SGCZ: variants seen among roughly 807,000 people sequenced by gnomAD.
SGCZ encodes sarcoglycan zeta.
SGCZ carries 40 observed loss-of-function variants against 41.3 expected under a neutral mutation model. The ratio of observed to expected loss-of-function variants is 0.97; its 90% confidence interval spans 0.75 to 1.26. SGCZ has a LOEUF of 1.26. Among genes scored for constraint, SGCZ ranks in the 50% most tolerant of loss-of-function variants. SGCZ has a pLI of 0.00. For synonymous variants in SGCZ, 206 were observed against 137.5 expected (o/e 1.50, Z -3.49); for missense variants, 552 against 369.8 (o/e 1.49, Z -4.04).
At chr8:14,854,934 A>G (rs1803489421) in intron 1 of SGCZ, among the ~76,000 whole-genome samples, 1 of 151,524 alleles carries the variant, frequency 6.6e-6, no homozygotes, top group African/African-American at 2.4e-5. Context: ...ACAATCATGC[A>G]GAGGTCCATG....
At chr8:14,923,520 G>A (rs1002824969) in intron 1 of SGCZ, among the ~76,000 whole-genome samples, 10 of 152,050 alleles carry the variant, frequency 6.6e-5, no homozygotes, top group East Asian at 1.9e-4. Flanking sequence ...CGAAATGTAC[G>A]AAACTCCCAG....
intron 3 of SGCZ, among the ~76,000 whole-genome samples, chr8:14,242,756 C>G (rs1253755196): frequency 6.6e-6 from 1 of 152,030 alleles, no homozygotes; most frequent in East Asian, 1.9e-4. Context: ...AAAAAGGTAA[C>G]AAGCCATGTT....
At chr8:14,780,209 C>T (rs921423379) in intron 1 of SGCZ, among the ~76,000 whole-genome samples, 2 of 151,832 alleles carry the variant, frequency 1.3e-5, no homozygotes, top group Non-Finnish European at 2.9e-5. Context: ...CCCGTCCCTA[C>T]TAAAAATACA....
chr8:14,510,070 G>T (rs1391177148), intron 2 of SGCZ, among the ~76,000 whole-genome samples: 1 of 151,996 alleles, frequency 6.6e-6, no homozygotes, highest in African/African-American at 2.4e-5. Flanking sequence ...GCCCCTCCCA[G>T]TAAAATAATT....
At chr8:14,656,562 T>A (rs986689832) in intron 1 of SGCZ, among the ~76,000 whole-genome samples, 2 of 150,402 alleles carry the variant, frequency 1.3e-5, no homozygotes, top group African/African-American at 4.9e-5. Flanking sequence ...TTTTTCTTTC[T>A]TTTCCTTCCC....
intron 2 of SGCZ, among the ~76,000 whole-genome samples, chr8:14,384,626 C>T (rs1332419731): frequency 6.6e-6 from 1 of 152,218 alleles, no homozygotes; most frequent in East Asian, 1.9e-4. Flanking sequence ...ATGGCACCAT[C>T]TCAGCTCACT....
intron 1 of SGCZ, among the ~76,000 whole-genome samples, chr8:15,061,330 C>A (rs926388892): frequency 6.6e-6 from 1 of 151,886 alleles, no homozygotes; most frequent in Non-Finnish European, 1.5e-5. Flanking sequence ...GGGAGTAGAA[C>A]AATGAGAACA....
intron 3 of SGCZ, among the ~76,000 whole-genome samples, chr8:14,266,789 G>T (rs7813812): frequency 0.032 from 4,934 of 152,078 alleles, 250 homozygotes; most frequent in African/African-American, 0.11. Flanking sequence ...AGGTAAAAAC[G>T]AAGTAAATTA....
chr8:15,024,919 G>A (rs964817725), intron 1 of SGCZ, among the ~76,000 whole-genome samples: 1 of 148,392 alleles, frequency 6.7e-6, no homozygotes, highest in African/African-American at 2.5e-5. Flanking sequence ...CTGGGCGACA[G>A]AGTGAGACTC....
chr8:14,325,727 C>G, intron 2 of SGCZ, among the ~76,000 whole-genome samples: 1 of 28,206 alleles, frequency 3.5e-5, no homozygotes, highest in Middle Eastern at 0.029. Flanking sequence ...TATACACACA[C>G]ACACACACAC....
rs1044714226 is a variant in SGCZ at position 15,062,413 on chromosome 8, G to C, written c.39+175172C>G. On this transcript the variant is annotated intron_variant, in intron 1 of 7. Coordinates refer to ENST00000382080, the MANE Select transcript of SGCZ (RefSeq NM_139167.4). ...TACTAACTAAAGTAGGTTTTCGTCTGTCTGTACATTTCTAGAAAAAGAGGC... is the reference window on the plus strand; with the variant it reads ...TACTAACTAAAGTAGGTTTTCGTCTCTCTGTACATTTCTAGAAAAAGAGGC... Among the ~76,000 whole-genome samples the C allele has an allele frequency of 4.6e-5, 7 of 152,218 alleles. No homozygotes were observed. In the South Asian group the frequency reaches 1.5e-3, roughly 32 times the overall value.
At chr8:14,302,296 T>G (rs2116975007) in intron 3 of SGCZ, among the ~76,000 whole-genome samples, 1 of 152,330 alleles carries the variant, frequency 6.6e-6, no homozygotes, top group East Asian at 1.9e-4. Flanking sequence ...TCTCTTGAAT[T>G]GATTGAACAC....
intron 1 of SGCZ, among the ~76,000 whole-genome samples, chr8:15,101,614 T>C (rs1806617165): frequency 6.6e-6 from 1 of 152,160 alleles, no homozygotes; most frequent in African/African-American, 2.4e-5. Context: ...GAAATTCTCA[T>C]TCACTGCTAG....
intron 1 of SGCZ, among the ~76,000 whole-genome samples, chr8:15,055,432 G>C (rs1487019092): frequency 6.6e-6 from 1 of 152,046 alleles, no homozygotes; most frequent in African/African-American, 2.4e-5. Flanking sequence ...AAAATATCTA[G>C]GTCCTAACAA....
chr8:14,702,100 A>C (rs1809156731), intron 1 of SGCZ, among the ~76,000 whole-genome samples: 1 of 151,868 alleles, frequency 6.6e-6, no homozygotes, highest in South Asian at 2.1e-4. Context: ...TGTTCCTGAC[A>C]ATCCCCCGCC....
At chr8:14,906,965 C>G (rs557354350) in intron 1 of SGCZ, among the ~76,000 whole-genome samples, 2 of 152,140 alleles carry the variant, frequency 1.3e-5, no homozygotes, top group Non-Finnish European at 2.9e-5. Context: ...CTGCCACTGT[C>G]AGAGAATTTA....
chr8:15,119,162 A>G (rs1354684687), intron 1 of SGCZ, among the ~76,000 whole-genome samples: 1 of 152,210 alleles, frequency 6.6e-6, no homozygotes, highest in Non-Finnish European at 1.5e-5. Flanking sequence ...ATATAACACA[A>G]TTGACAGAAA....
At chr8:15,154,792 GT>G (rs1479686348) in intron 1 of SGCZ, among the ~76,000 whole-genome samples, 1 of 152,186 alleles carries the variant, frequency 6.6e-6, no homozygotes, top group African/African-American at 2.4e-5. Context: ...GATGCCCATT[GT>G]TTATATCCTG....
chr8:15,006,881 C>G (rs6530827), intron 1 of SGCZ, among the ~76,000 whole-genome samples: 152,277 of 152,350 alleles, frequency 1, 76,102 homozygotes, highest in Middle Eastern at 1. Flanking sequence ...TTTTTGTAAC[C>G]CAGAGAAAGC....
Sources: gnomAD v4.1 joint callset for allele counts (sites outside exome capture counted in the v4.1 genomes callset) on GRCh38, gnomAD v4.1.1 for gene constraint, MANE v1.5 for transcripts, NCBI Gene and HGNC (gene_info 2026-07-23, HGNC 2026-07-21) for gene names.